DDAH1: variants seen among roughly 807,000 people sequenced by gnomAD.
DDAH1 encodes the protein N(G),N(G)-dimethylarginine dimethylaminohydrolase 1.
A neutral mutation model predicts 28.8 loss-of-function variants in DDAH1; 19 were observed. The observed-to-expected ratio is 0.66, with a 90% confidence interval of 0.46 to 0.97. The LOEUF is 0.97. Among genes scored for constraint, DDAH1 ranks in the 50% least tolerant of loss-of-function variants. The probability of loss-of-function intolerance (pLI) is 0.00; values close to 1 mark genes in which losing one functional copy is unlikely to be tolerated. For missense variants in DDAH1, 326 were observed against 375.9 expected, an observed-to-expected ratio of 0.87 and a Z score of 1.10; for synonymous variants, 153 against 154.4, an observed-to-expected ratio of 0.99 and a Z score of 0.07.
At chr1:85,419,427 C>T (rs1190129060) in intron 1 of DDAH1, among the ~76,000 whole-genome samples, 1 of 150,874 alleles carries the variant, frequency 6.6e-6, no homozygotes, top group Non-Finnish European at 1.5e-5. Context: ...GTAACCCCAG[C>T]TATTCGGGAG....
At chr1:85,561,232 T>C (rs941409932) in intron 1 of DDAH1, among the ~76,000 whole-genome samples, 4 of 152,084 alleles carry the variant, frequency 2.6e-5, no homozygotes, top group Non-Finnish European at 5.9e-5. Flanking sequence ...CAAAGAGTTA[T>C]TAGGAGGATC....
At chr1:85,483,138 T>C (rs1334885997) in intron 2 of DDAH1, among the ~76,000 whole-genome samples, 2 of 146,810 alleles carry the variant, frequency 1.4e-5, no homozygotes, top group African/African-American at 5.1e-5. Flanking sequence ...CGCTTGAACC[T>C]GGGAGGGAGA....
At chr1:85,440,469 G>A (rs997401910) in intron 1 of DDAH1, among the ~76,000 whole-genome samples, 2 of 152,146 alleles carry the variant, frequency 1.3e-5, no homozygotes, top group African/African-American at 2.4e-5. Context: ...GTGAGTAGCC[G>A]GGAAAGACTG....
At chr1:85,555,043 G>C (rs777217444) in intron 1 of DDAH1, among the ~76,000 whole-genome samples, 4 of 152,212 alleles carry the variant, frequency 2.6e-5, no homozygotes, top group Non-Finnish European at 5.9e-5. Context: ...AAACCAAGCA[G>C]AGCATTTTTC....
chr1:85,500,263 T>G (rs1656777638), intron 1 of DDAH1, among the ~76,000 whole-genome samples: 1 of 150,772 alleles, frequency 6.6e-6, no homozygotes, highest in African/African-American at 2.4e-5. Flanking sequence ...TTTTTTCCTG[T>G]CTCTCTCCCT....
intron 1 of DDAH1, among the ~76,000 whole-genome samples, chr1:85,555,217 A>T (rs997455414): frequency 6.6e-6 from 1 of 152,226 alleles, no homozygotes; most frequent in Non-Finnish European, 1.5e-5. Flanking sequence ...CTTGAATAGG[A>T]GATAGTGGAT....
rs576817964 is a variant in DDAH1, at chr1:85,442,675, T to A, written c.303+22068A>T. On this transcript the variant is annotated intron_variant, in intron 1 of 5. Coordinates refer to ENST00000284031, the MANE Select transcript of DDAH1 (RefSeq NM_012137.4). ...GTAAAAGTGTTCCTATTTCTCCACATCCTCTCCAGCACCTGTTGTTTCCTG... is the reference window on the plus strand; with the variant it reads ...GTAAAAGTGTTCCTATTTCTCCACAACCTCTCCAGCACCTGTTGTTTCCTG... Among the ~76,000 whole-genome samples the A allele has an allele frequency of 5.3e-5, 8 of 152,294 alleles. No homozygotes were observed. The South Asian group carries it at 1.2e-3, about 24-fold the overall frequency.
At chr1:85,440,731 A>T (rs1654151279) in intron 1 of DDAH1, among the ~76,000 whole-genome samples, 1 of 152,226 alleles carries the variant, frequency 6.6e-6, no homozygotes, top group Admixed American at 6.5e-5. Flanking sequence ...CATAAATTAC[A>T]AAGTTTCTGA....
intron 2 of DDAH1, among the ~76,000 whole-genome samples, chr1:85,355,631 T>C (rs1649450644): frequency 6.6e-6 from 1 of 152,198 alleles, no homozygotes; most frequent in South Asian, 2.1e-4. Context: ...CTCTATCACC[T>C]GAAATTCATT....
At chr1:85,347,622 G>T (rs1362341264) in intron 4 of DDAH1, among the ~76,000 whole-genome samples, 1 of 152,122 alleles carries the variant, frequency 6.6e-6, no homozygotes, top group Admixed American at 6.5e-5. Context: ...GTCGTGGGAT[G>T]GGGGAGGGTG....
At chr1:85,444,029 T>C (rs1654323786) in intron 1 of DDAH1, among the ~76,000 whole-genome samples, 1 of 152,222 alleles carries the variant, frequency 6.6e-6, no homozygotes, top group East Asian at 1.9e-4. Context: ...CTGATTGTCC[T>C]GGCCAGAACT....
At chr1:85,349,659 T>C (rs1649079058) in intron 4 of DDAH1, among the ~76,000 whole-genome samples, 1 of 152,150 alleles carries the variant, frequency 6.6e-6, no homozygotes, top group Admixed American at 6.5e-5. Flanking sequence ...TCATCAGACA[T>C]TTATGAAGGG....
intron 4 of DDAH1, among the ~76,000 whole-genome samples, chr1:85,330,568 T>C (rs901261768): frequency 1.3e-5 from 2 of 152,174 alleles, no homozygotes; most frequent in African/African-American, 2.4e-5. Context: ...CACAAATTCC[T>C]TTCCCTAAGA....
chr1:85,415,952 T>G (rs1652868404), intron 1 of DDAH1, among the ~76,000 whole-genome samples: 1 of 152,178 alleles, frequency 6.6e-6, no homozygotes, highest in African/African-American at 2.4e-5. Flanking sequence ...TGAATCAAAT[T>G]CTTCCTGAAT....
intron 2 of DDAH1, chr1:85,494,737 G>A: frequency 6.6e-6 from 1 of 152,450 alleles, no homozygotes; most frequent in Non-Finnish European, 1.5e-5. Context: ...ACCTGGTTCA[G>A]CTGTCTGCCA....
intron 1 of DDAH1, chr1:85,435,028 G>T: frequency 6.6e-6 from 1 of 151,850 alleles, no homozygotes. Context: ...TCCTTGTGTT[G>T]TTCCTATAAC....
intron 1 of DDAH1, among the ~76,000 whole-genome samples, chr1:85,441,591 G>A (rs1309997627): frequency 6.6e-6 from 1 of 151,766 alleles, no homozygotes; most frequent in Non-Finnish European, 1.5e-5. Context: ...GACTACACAA[G>A]GATTGAAAAT....
At chr1:85,467,882 C>T (rs1655440465), upstream of DDAH1, among the ~76,000 whole-genome samples, 1 of 152,138 alleles carries the variant, frequency 6.6e-6, no homozygotes, top group Non-Finnish European at 1.5e-5. Flanking sequence ...ACTAGGAGAA[C>T]AAGACATCCA....
At chr1:85,482,312 C>T (rs1656037536) in intron 2 of DDAH1, 1 of 152,076 alleles carries the variant, frequency 6.6e-6, no homozygotes, top group African/African-American at 2.4e-5. Flanking sequence ...GTATTTTATT[C>T]TCTATAATGT....
Sources: gnomAD v4.1 joint callset for allele counts (sites outside exome capture counted in the v4.1 genomes callset) on GRCh38, gnomAD v4.1.1 for gene constraint, MANE v1.5 for transcripts, NCBI Gene and HGNC (gene_info 2026-07-23, HGNC 2026-07-21) for gene names.